Variants in KCNK2 observed in about 807,000 individuals in gnomAD.
KCNK2 encodes the protein potassium channel subfamily K member 2.
In KCNK2, 21 loss-of-function variants were observed where a neutral mutation model predicts 40.5. That is an observed-to-expected ratio of 0.52 (90% confidence interval 0.37 to 0.75). The LOEUF (loss-of-function observed/expected upper bound fraction) is 0.75, where lower values mean the gene tolerates loss of function less well. Among genes scored for constraint, KCNK2 ranks in the 30% least tolerant of loss-of-function variants. The probability of loss-of-function intolerance (pLI) is 0.00; values close to 1 mark genes in which losing one functional copy is unlikely to be tolerated. For synonymous variants in KCNK2, 191 were observed against 202.2 expected, an observed-to-expected ratio of 0.94 and a Z score of 0.47; for missense variants, 399 against 531.6, an observed-to-expected ratio of 0.75 and a Z score of 2.45.
At chr1:215,047,143 C>T (rs2802646) in intron 1 of KCNK2, among the ~76,000 whole-genome samples, 129,411 of 152,014 alleles carry the variant, frequency 0.85, 55,348 homozygotes, top group East Asian at 0.99. Flanking sequence ...AAATTAAATA[C>T]GATTTAATGT....
intron 1 of KCNK2, among the ~76,000 whole-genome samples, chr1:215,059,952 A>G (rs1185427689): frequency 6.6e-6 from 1 of 152,182 alleles, no homozygotes; most frequent in African/African-American, 2.4e-5. Flanking sequence ...TGCTGAGGCA[A>G]TGTAGACAGA....
intron 1 of KCNK2, among the ~76,000 whole-genome samples, chr1:215,056,504 AAAAAAAAAAAAAAAAAAAG>A (rs1424387058): frequency 6.8e-6 from 1 of 147,092 alleles, no homozygotes; most frequent in Non-Finnish European, 1.5e-5. Context: ...AGTCTCAAAA[AAAAAAAAAAAAAAAAAAAG>A]AAGAAGAAGG....
intron 5 of KCNK2, among the ~76,000 whole-genome samples, chr1:215,178,335 T>C (rs1317771253): frequency 1.3e-5 from 2 of 152,184 alleles, no homozygotes; most frequent in African/African-American, 4.8e-5. Context: ...CTTTTCCTAT[T>C]TGGATGCTTT....
At chr1:215,227,829 T>A (rs1666453993) in intron 6 of KCNK2, among the ~76,000 whole-genome samples, 1 of 152,146 alleles carries the variant, frequency 6.6e-6, no homozygotes, top group African/African-American at 2.4e-5. Context: ...TGGAGCTGGT[T>A]GTAAGATTTG....
chr1:215,110,885 G>T (rs1034564085), intron 2 of KCNK2, among the ~76,000 whole-genome samples: 1 of 151,898 alleles, frequency 6.6e-6, no homozygotes, highest in Non-Finnish European at 1.5e-5. Flanking sequence ...TAACATTAAG[G>T]TTCAGTCTTG....
At chr1:215,027,428 A>G (rs1208365845) in intron 1 of KCNK2, among the ~76,000 whole-genome samples, 5 of 152,088 alleles carry the variant, frequency 3.3e-5, no homozygotes, top group African/African-American at 9.7e-5. Context: ...TTACCTAAAG[A>G]TTTTTATTGG....
At chr1:215,203,832 A>T (rs1162678211) in intron 6 of KCNK2, among the ~76,000 whole-genome samples, 1 of 151,740 alleles carries the variant, frequency 6.6e-6, no homozygotes, top group African/African-American at 2.4e-5. Flanking sequence ...AGGTCAGGAG[A>T]TCGAGACCAT....
In KCNK2 at chr1:215,230,576, A is replaced by G. The variant is rs1336348789; in HGVS notation, c.964-4252A>G. Among the ~76,000 whole-genome samples the G allele has an allele frequency of 2.8e-5, 2 of 71,094 alleles. 1 individual carries two copies. Among genetic ancestry groups the G allele is most frequent in the African/African-American group, 1.0e-4 (2 of 19,242 alleles). 46.6% of individuals were successfully genotyped at this position (71,094 alleles called of 152,430 possible). On this transcript the variant is annotated intron_variant, in intron 6 of 6. Coordinates refer to ENST00000444842, the MANE Select transcript of KCNK2 (RefSeq NM_001017425.3). ...ATAACAGCCATATATATATATATAT[A>G]CAAGACCGTAATATATATATATATA...
intron 2 of KCNK2, among the ~76,000 whole-genome samples, chr1:215,094,678 A>C (rs1339010790): frequency 2.0e-5 from 3 of 152,128 alleles, no homozygotes; most frequent in African/African-American, 7.2e-5. Context: ...TTTATTAATA[A>C]TTAGGTTTTT....
chr1:215,220,389 C>T (rs961934536), intron 6 of KCNK2, among the ~76,000 whole-genome samples: 2 of 152,218 alleles, frequency 1.3e-5, no homozygotes, highest in African/African-American at 2.4e-5. Flanking sequence ...ACACCCTCTC[C>T]ACCCTGCTTG....
At chr1:215,140,154 T>C (rs1041485472) in intron 3 of KCNK2, among the ~76,000 whole-genome samples, 1 of 152,202 alleles carries the variant, frequency 6.6e-6, no homozygotes, top group African/African-American at 2.4e-5. Context: ...TATTATAATA[T>C]GAACTTCACT....
intron 1 of KCNK2, among the ~76,000 whole-genome samples, chr1:215,076,007 T>C (rs1464174158): frequency 1.3e-5 from 2 of 152,234 alleles, no homozygotes; most frequent in Admixed American, 1.3e-4. Flanking sequence ...TGGAGGTGAT[T>C]CTAATGTACA....
chr1:215,048,037 C>G (rs1447197263), intron 1 of KCNK2, among the ~76,000 whole-genome samples: 1 of 152,114 alleles, frequency 6.6e-6, no homozygotes, highest in Non-Finnish European at 1.5e-5. Context: ...AGTGAACATT[C>G]TGATAATATT....
chr1:215,029,654 A>T (rs975792505), intron 1 of KCNK2, among the ~76,000 whole-genome samples: 3 of 148,170 alleles, frequency 2.0e-5, no homozygotes, highest in Non-Finnish European at 4.5e-5. Flanking sequence ...TATTTAATAT[A>T]TTTGGATATA....
At chr1:215,079,941 G>A (rs964436653), upstream of KCNK2, among the ~76,000 whole-genome samples, 1 of 152,112 alleles carries the variant, frequency 6.6e-6, no homozygotes, top group Non-Finnish European at 1.5e-5. Flanking sequence ...GTTACAGTCT[G>A]AAATTTTATC....
At position 215,083,621 on chromosome 1, in the gene KCNK2, C is replaced by T. The variant is rs969104452; in HGVS notation, c.46+190C>T. On this transcript the variant is annotated intron_variant, in intron 1 of 6. Coordinates refer to ENST00000444842, the MANE Select transcript of KCNK2 (RefSeq NM_001017425.3). ...GCCAGATCCTCTCCACGCCGCTTCT[C>T]CCCCCTCTCCCGCCGGTGCCCGGGG... is the stretch of plus-strand genomic sequence containing the variant. The T allele has an allele frequency of 8.1e-5, 49 of 603,150 alleles. No homozygotes were observed. The Admixed American group carries it at 1.3e-3, about 16-fold the overall frequency. 37.4% of individuals were successfully genotyped at this position (603,150 alleles called of 1,614,324 possible).
At chr1:215,005,914 A>G in exon 1 of KCNK2, 1 of 1,613,144 alleles carries the variant, frequency 6.2e-7, no homozygotes, top group Non-Finnish European at 8.5e-7. Context: ...TGATGAAAAC[A>G]TCACCAAATG....
intron 1 of KCNK2, among the ~76,000 whole-genome samples, chr1:215,061,451 A>G (rs1005460088): frequency 3.5e-4 from 53 of 152,196 alleles, no homozygotes; most frequent in African/African-American, 1.3e-3. Flanking sequence ...GTTTTTTGGG[A>G]GGAATGGGTT....
intron 6 of KCNK2, among the ~76,000 whole-genome samples, chr1:215,195,552 G>A (rs570536573): frequency 9.9e-4 from 151 of 151,858 alleles, no homozygotes; most frequent in Non-Finnish European, 1.5e-3. Context: ...AAATTTGTAC[G>A]TACACATGTA....
Sources: allele counts gnomAD v4.1 joint callset (sites outside exome capture counted in the v4.1 genomes callset), GRCh38; gene constraint gnomAD v4.1.1; transcripts MANE v1.5; gene names NCBI Gene and HGNC (gene_info 2026-07-23, HGNC 2026-07-21).